Variants in DSCAM observed in about 807,000 individuals in gnomAD.
The protein encoded by DSCAM is cell adhesion molecule DSCAM.
A neutral mutation model predicts 217.7 loss-of-function variants in DSCAM; 47 were observed. The ratio of observed to expected loss-of-function variants is 0.22; its 90% CI spans 0.17 to 0.28. The LOEUF is 0.28. DSCAM is among the 10% of genes least tolerant of loss of function. The probability of loss-of-function intolerance (pLI) is 1.00; values close to 1 mark genes in which losing one functional copy is unlikely to be tolerated. For missense variants in DSCAM, 2,080 were observed against 2,618.3 expected, an observed-to-expected ratio of 0.79 and a Z score of 4.49; for synonymous variants, 1,056 against 1,015.3, an observed-to-expected ratio of 1.04 and a Z score of -0.76.
At chr21:40,249,023 C>T (rs1028717012) in intron 11 of DSCAM, among the ~76,000 whole-genome samples, 1 of 152,272 alleles carries the variant, frequency 6.6e-6, no homozygotes, top group Non-Finnish European at 1.5e-5. Context: ...AAAGACTGAC[C>T]CCCATGATTC....
At chr21:40,595,714 A>T (rs2077016711) in intron 3 of DSCAM, among the ~76,000 whole-genome samples, 1 of 152,232 alleles carries the variant, frequency 6.6e-6, no homozygotes, top group African/African-American at 2.4e-5. Flanking sequence ...AGAGGATCAG[A>T]TCCAAATATA....
intron 32 of DSCAM, among the ~76,000 whole-genome samples, chr21:40,020,070 T>G (rs1394464857): frequency 4.6e-5 from 7 of 152,134 alleles, no homozygotes. Flanking sequence ...ATAATTCCCA[T>G]GTGTTGTAGG....
chr21:40,442,378 A>T (rs994497348), intron 3 of DSCAM, among the ~76,000 whole-genome samples: 20 of 151,742 alleles, frequency 1.3e-4, no homozygotes, highest in African/African-American at 4.8e-4. Context: ...CTAGTTTTTT[A>T]AATTTAAATA....
intron 3 of DSCAM, among the ~76,000 whole-genome samples, chr21:40,559,808 T>C (rs1487967409): frequency 1.9e-5 from 2 of 107,816 alleles, no homozygotes; most frequent in Admixed American, 1.1e-4. Flanking sequence ...TTTTTTTTTC[T>C]TTGAGATGGA....
intron 1 of DSCAM, among the ~76,000 whole-genome samples, chr21:40,760,129 G>A (rs1415944629): frequency 6.6e-6 from 1 of 151,916 alleles, no homozygotes; most frequent in East Asian, 1.9e-4. Flanking sequence ...GAGTAGCTGG[G>A]ACTACAGGTG....
chr21:40,529,342 T>C (rs2076425391), intron 3 of DSCAM, among the ~76,000 whole-genome samples: 1 of 152,224 alleles, frequency 6.6e-6, no homozygotes, highest in Non-Finnish European at 1.5e-5. Flanking sequence ...TACATGTTAC[T>C]ATTACAAAAC....
intron 8 of DSCAM, among the ~76,000 whole-genome samples, chr21:40,336,015 C>T (rs781453060): frequency 5.3e-5 from 8 of 152,080 alleles, no homozygotes; most frequent in African/African-American, 1.4e-4. Context: ...AGACACTTGA[C>T]GAAGCAGGAA....
At chr21:40,167,084 A>G in intron 16 of DSCAM, 134 bp downstream of exon 16, 2 of 705,488 alleles carry the variant, frequency 2.8e-6, no homozygotes, top group Non-Finnish European at 2.3e-6. Context: ...TTTTAAGAAA[A>G]GGGCTTTCAA....
chr21:40,308,069 A>C (rs2074098983), intron 9 of DSCAM, among the ~76,000 whole-genome samples: 1 of 152,036 alleles, frequency 6.6e-6, no homozygotes, highest in East Asian at 1.9e-4. Flanking sequence ...TATACCCTAA[A>C]ACTTAAAGAA....
intron 27 of DSCAM, 69 bp from the exon 28 acceptor site, chr21:40,062,968 A>C (rs2089146474): frequency 7.1e-7 from 1 of 1,406,100 alleles, no homozygotes; most frequent in African/African-American, 1.5e-5. Context: ...CATTTATGAC[A>C]AATACTCTAC....
intron 11 of DSCAM, among the ~76,000 whole-genome samples, chr21:40,190,843 A>G (rs1363477882): frequency 2.0e-5 from 3 of 152,230 alleles, no homozygotes; most frequent in Non-Finnish European, 4.4e-5. Flanking sequence ...GCCTCCCAGG[A>G]CTTCAGATGA....
intron 29 of DSCAM, among the ~76,000 whole-genome samples, chr21:40,052,702 C>T (rs1055129290): frequency 6.6e-6 from 1 of 152,240 alleles, no homozygotes; most frequent in Non-Finnish European, 1.5e-5. Flanking sequence ...TTTCTTCCCA[C>T]CTCCTGTAAG....
intron 20 of DSCAM, among the ~76,000 whole-genome samples, chr21:40,094,213 A>G (rs78471181): frequency 0.036 from 5,476 of 152,274 alleles, 151 homozygotes; most frequent in East Asian, 0.1. Flanking sequence ...CCATAAAACA[A>G]TGGTTCTAAA....
chr21:40,806,387 C>T (rs1413817916), intron 1 of DSCAM, among the ~76,000 whole-genome samples: 1 of 152,166 alleles, frequency 6.6e-6, no homozygotes, highest in Non-Finnish European at 1.5e-5. Context: ...CCAATAAGCT[C>T]ATTTCTGTGA....
chr21:40,767,794 A>G (rs902601036), intron 1 of DSCAM, among the ~76,000 whole-genome samples: 11 of 152,148 alleles, frequency 7.2e-5, no homozygotes, highest in Non-Finnish European at 1.0e-4. Context: ...CACCTGTGAC[A>G]TTCAGGATCT....
chr21:40,240,289 A>G (rs1171984521), intron 11 of DSCAM, among the ~76,000 whole-genome samples: 2 of 123,898 alleles, frequency 1.6e-5, no homozygotes, highest in Non-Finnish European at 3.2e-5. Flanking sequence ...TTCCCATTCT[A>G]CCTTTGTTCA....
At chr21:40,353,891 G>T in intron 4 of DSCAM, 148 bp from the exon 5 acceptor site, 1 of 755,770 alleles carries the variant, frequency 1.3e-6, no homozygotes, top group Middle Eastern at 3.9e-4. Context: ...AACAGAAAAA[G>T]AAGTGCCCTA....
intron 3 of DSCAM, among the ~76,000 whole-genome samples, chr21:40,578,329 T>G (rs542393028): frequency 1.2e-4 from 19 of 152,248 alleles, no homozygotes; most frequent in African/African-American, 4.6e-4. Flanking sequence ...TTGGAGAACT[T>G]TTGCATCTAG....
chr21:40,670,856 C>A (rs1286469809), intron 3 of DSCAM, among the ~76,000 whole-genome samples: 1 of 152,160 alleles, frequency 6.6e-6, no homozygotes, highest in East Asian at 1.9e-4. Flanking sequence ...GTTGCTTTTG[C>A]ATAGGTGACT....
Sources: gnomAD v4.1 joint callset for allele counts (sites outside exome capture counted in the v4.1 genomes callset) on GRCh38, gnomAD v4.1.1 for gene constraint, MANE v1.5 for transcripts, NCBI Gene and HGNC (gene_info 2026-07-23, HGNC 2026-07-21) for gene names.